DLG2: variants seen among roughly 807,000 people sequenced by gnomAD.
The protein encoded by DLG2 is disks large homolog 2.
Under a neutral mutation model 132.5 loss-of-function variants are expected in DLG2, and 45 were observed. The observed-to-expected ratio is 0.34, with a 90% CI of 0.27 to 0.44. DLG2 has a LOEUF of 0.44. Ranked by LOEUF, DLG2 falls within the 20% of genes least tolerant of loss-of-function variation. The pLI is 1.00. For missense variants in DLG2, 1,045 were observed against 1,196.9 expected (o/e 0.87, Z 1.87); for synonymous variants, 424 against 419.6 (o/e 1.01, Z -0.13).
intron 11 of DLG2, among the ~76,000 whole-genome samples, chr11:84,000,628 C>T (rs2094296756): frequency 6.6e-6 from 1 of 152,066 alleles, no homozygotes. Flanking sequence ...AGTGTCTAGT[C>T]ACCTACAAGG....
intron 7 of DLG2, among the ~76,000 whole-genome samples, chr11:84,388,756 G>C (rs919897467): frequency 6.6e-6 from 1 of 151,896 alleles, no homozygotes; most frequent in African/African-American, 2.4e-5. Context: ...TGGATGTCAG[G>C]AATTGGAAGT....
intron 4 of DLG2, among the ~76,000 whole-genome samples, chr11:85,215,330 G>A (rs1443101797): frequency 6.6e-6 from 1 of 152,094 alleles, no homozygotes; most frequent in Non-Finnish European, 1.5e-5. Context: ...AAACATAAAC[G>A]TTTGCTGAAT....
chr11:83,674,565 G>A (rs534140875), intron 18 of DLG2, among the ~76,000 whole-genome samples: 1 of 152,278 alleles, frequency 6.6e-6, no homozygotes, highest in South Asian at 2.1e-4. Context: ...AACATTATCT[G>A]TCACCCTTCC....
intron 6 of DLG2, among the ~76,000 whole-genome samples, chr11:85,042,453 T>C (rs1186619173): frequency 2.0e-5 from 3 of 151,846 alleles, no homozygotes; most frequent in Admixed American, 6.6e-5. Context: ...TTTTCCATTT[T>C]AGTGAAAACT....
At chr11:83,712,110 A>C (rs2085583580) in intron 18 of DLG2, among the ~76,000 whole-genome samples, 1 of 152,204 alleles carries the variant, frequency 6.6e-6, no homozygotes, top group Non-Finnish European at 1.5e-5. Flanking sequence ...GTGATTCCTC[A>C]AAGACCTAGT....
chr11:84,916,348 CAAAAAA>C (rs11423369), intron 6 of DLG2, among the ~76,000 whole-genome samples: 2,401 of 27,538 alleles, frequency 0.087, 11 homozygotes, highest in South Asian at 0.18. Context: ...GACTCCGTCT[CAAAAAA>C]AAAAAAAAAA....
chr11:83,981,995 T>C (rs1298742901), intron 11 of DLG2, among the ~76,000 whole-genome samples: 2 of 152,204 alleles, frequency 1.3e-5, no homozygotes, highest in Non-Finnish European at 2.9e-5. Flanking sequence ...GAGAAATGGC[T>C]ATTGCCAAGT....
intron 11 of DLG2, among the ~76,000 whole-genome samples, chr11:84,007,549 A>C (rs999729433): frequency 6.6e-6 from 1 of 151,764 alleles, no homozygotes; most frequent in Non-Finnish European, 1.5e-5. Context: ...AACTTAGTTT[A>C]ATTTACACAA....
At chr11:85,449,293 G>A (rs527874649) in intron 3 of DLG2, among the ~76,000 whole-genome samples, 6 of 152,036 alleles carry the variant, frequency 3.9e-5, no homozygotes, top group Non-Finnish European at 8.8e-5. Flanking sequence ...GAACTCCAAT[G>A]GGTGATATCA....
chr11:85,618,415 C>G (rs1024348675), intron 2 of DLG2, among the ~76,000 whole-genome samples: 26 of 152,130 alleles, frequency 1.7e-4, no homozygotes, highest in African/African-American at 6.3e-4. Flanking sequence ...TTTTACAGAA[C>G]AGTGAGAAAT....
intron 17 of DLG2, among the ~76,000 whole-genome samples, chr11:83,795,125 G>A (rs1041176386): frequency 1.6e-4 from 24 of 152,020 alleles, no homozygotes; most frequent in African/African-American, 5.3e-4. Flanking sequence ...TTTATATTCC[G>A]GCCAGGCGCG....
chr11:84,507,704 GT>G (rs1223470473), intron 7 of DLG2, among the ~76,000 whole-genome samples: 2 of 152,172 alleles, frequency 1.3e-5, no homozygotes, highest in Non-Finnish European at 2.9e-5. Flanking sequence ...TTTATTCAAA[GT>G]TTTTTCTATG....
intron 6 of DLG2, among the ~76,000 whole-genome samples, chr11:84,747,889 C>T (rs571617783): frequency 1.5e-3 from 226 of 152,248 alleles, no homozygotes; most frequent in African/African-American, 4.9e-3. Flanking sequence ...AAAAGTTCTG[C>T]GCCTAATAGA....
At chr11:84,121,814 GCC>G (rs1157740337) in intron 9 of DLG2, among the ~76,000 whole-genome samples, 3 of 151,368 alleles carry the variant, frequency 2.0e-5, no homozygotes, top group Admixed American at 2.0e-4. Context: ...GCCCGCCTCA[GCC>G]TCCCAAAGTG....
At chr11:85,060,304 T>C (rs1306924663) in intron 6 of DLG2, among the ~76,000 whole-genome samples, 1 of 150,912 alleles carries the variant, frequency 6.6e-6, no homozygotes, top group Non-Finnish European at 1.5e-5. Flanking sequence ...GCTAAGTATA[T>C]GTATATAATA....
intron 3 of DLG2, among the ~76,000 whole-genome samples, chr11:85,569,741 G>T (rs1461375023): frequency 1.3e-5 from 2 of 152,162 alleles, no homozygotes; most frequent in African/African-American, 4.8e-5. Flanking sequence ...AACCTGCAGA[G>T]AAAAGGGGAA....
At chr11:85,145,880 T>C (rs1003934669) in intron 5 of DLG2, among the ~76,000 whole-genome samples, 5 of 152,136 alleles carry the variant, frequency 3.3e-5, no homozygotes, top group African/African-American at 9.7e-5. Flanking sequence ...CTGGATGTTC[T>C]TGATGCTTGT....
At chr11:85,044,830 C>A (rs1406668205) in intron 6 of DLG2, among the ~76,000 whole-genome samples, 1 of 151,988 alleles carries the variant, frequency 6.6e-6, no homozygotes, top group Non-Finnish European at 1.5e-5. Flanking sequence ...AAGTCAGAGA[C>A]TACTATTTTC....
At chr11:83,768,001 A>C (rs2094214877) in intron 18 of DLG2, among the ~76,000 whole-genome samples, 1 of 152,196 alleles carries the variant, frequency 6.6e-6, no homozygotes, top group Admixed American at 6.5e-5. Context: ...CATAAGACGT[A>C]AGTTTGATTT....
Sources: gnomAD v4.1 joint callset for allele counts (sites outside exome capture counted in the v4.1 genomes callset) on GRCh38, gnomAD v4.1.1 for gene constraint, MANE v1.5 for transcripts, NCBI Gene and HGNC (gene_info 2026-07-23, HGNC 2026-07-21) for gene names.